LRP1B: variants seen among roughly 807,000 people sequenced by gnomAD.
The protein encoded by LRP1B is low-density lipoprotein receptor-related protein 1B.
A neutral mutation model predicts 556.6 loss-of-function variants in LRP1B; 217 were observed. The ratio of observed to expected loss-of-function variants is 0.39; its 90% CI spans 0.35 to 0.44. The LOEUF (loss-of-function observed/expected upper bound fraction) is 0.44. LRP1B is among the 20% of genes least tolerant of loss of function. The pLI is 1.00. For synonymous variants in LRP1B, 2,047 were observed against 1,865.8 expected, an observed-to-expected ratio of 1.10 and a Z score of -2.50; for missense variants, 5,053 against 5,620.8, an observed-to-expected ratio of 0.90 and a Z score of 3.23.
At chr2:141,205,505 T>G (rs1177396474) in intron 6 of LRP1B, among the ~76,000 whole-genome samples, 5 of 152,200 alleles carry the variant, frequency 3.3e-5, no homozygotes, top group Admixed American at 6.5e-5. Flanking sequence ...TTGCCTCTAT[T>G]ATCTGTATTT....
At chr2:141,610,038 C>A (rs1260968692) in intron 2 of LRP1B, among the ~76,000 whole-genome samples, 1 of 152,122 alleles carries the variant, frequency 6.6e-6, no homozygotes, top group African/African-American at 2.4e-5. Flanking sequence ...TATCATGTAG[C>A]TGATATGAAG....
rs2105231513 is a variant in LRP1B at position 140,907,865 on chromosome 2, A to T, written c.3520+12T>A. 3.1e-6 allele frequency: 5 copies of T among 1,612,336 alleles called. No homozygotes were observed. Among genetic ancestry groups the T allele is most frequent in the Non-Finnish European group, 4.2e-6 (5 of 1,178,576 alleles). ...TTTCATGGAGAAGTCAGTACAATTAAACATGCAATACCACAGAGATAGCCT... is the reference window on the plus strand; with the variant it reads ...TTTCATGGAGAAGTCAGTACAATTATACATGCAATACCACAGAGATAGCCT... On this transcript the variant is annotated intron_variant, in intron 22 of 90. Coordinates refer to ENST00000389484, the MANE Select transcript of LRP1B (RefSeq NM_018557.3).
At chr2:141,952,846 T>C (rs1701145112) in intron 1 of LRP1B, among the ~76,000 whole-genome samples, 1 of 152,176 alleles carries the variant, frequency 6.6e-6, no homozygotes, top group Admixed American at 6.5e-5. Flanking sequence ...TGGTAGTTTT[T>C]ATGTTTCAAT....
At chr2:140,519,384 G>A (rs1690059295) in intron 49 of LRP1B, among the ~76,000 whole-genome samples, 2 of 152,168 alleles carry the variant, frequency 1.3e-5, no homozygotes, top group Non-Finnish European at 2.9e-5. Flanking sequence ...TTAATAAATG[G>A]TGCTGGGAAA....
intron 35 of LRP1B, among the ~76,000 whole-genome samples, chr2:140,737,755 G>T (rs767630512): frequency 6.6e-6 from 1 of 152,218 alleles, no homozygotes; most frequent in Admixed American, 6.5e-5. Flanking sequence ...TGCAGGAGTA[G>T]TGGTTCCTAT....
intron 68 of LRP1B, among the ~76,000 whole-genome samples, chr2:140,374,176 G>A (rs1683120747): frequency 6.6e-6 from 1 of 152,152 alleles, no homozygotes; most frequent in Non-Finnish European, 1.5e-5. Flanking sequence ...CCTTCCCTGG[G>A]TCTGAACACT....
At chr2:140,463,237 G>T in intron 60 of LRP1B, among the ~76,000 whole-genome samples, 1 of 152,038 alleles carries the variant, frequency 6.6e-6, no homozygotes. Flanking sequence ...TGGGTGGGTG[G>T]GAAAATGGCC....
chr2:142,102,265 C>A (rs1706593537), intron 1 of LRP1B, among the ~76,000 whole-genome samples: 1 of 151,800 alleles, frequency 6.6e-6, no homozygotes, highest in Non-Finnish European at 1.5e-5. Flanking sequence ...GTACCCCAAT[C>A]ACAAATCTCC....
intron 66 of LRP1B, 134 bp downstream of exon 66, chr2:140,442,370 G>T: frequency 1.7e-6 from 2 of 1,145,790 alleles, no homozygotes; most frequent in Non-Finnish European, 1.2e-6. Flanking sequence ...TTATGAATCT[G>T]TGAACACAGA....
At chr2:141,470,656 C>A (rs532845204) in intron 3 of LRP1B, among the ~76,000 whole-genome samples, 97 of 152,226 alleles carry the variant, frequency 6.4e-4, no homozygotes, top group Admixed American at 2.2e-3. Context: ...CTTGGGGATG[C>A]CATTCAACTT....
intron 41 of LRP1B, chr2:140,683,389 C>T (rs2105382357): frequency 7.8e-6 from 4 of 513,112 alleles, no homozygotes; most frequent in South Asian, 6.7e-5. Context: ...TATCCTGTTT[C>T]AAAGACCATC....
chr2:140,345,761 T>A (rs825434), intron 77 of LRP1B, among the ~76,000 whole-genome samples: 1 of 131,808 alleles, frequency 7.6e-6, no homozygotes, highest in Non-Finnish European at 1.6e-5. Flanking sequence ...CATATATACA[T>A]ATATACACAT....
At chr2:140,726,803 T>C (rs1687610040) in intron 35 of LRP1B, among the ~76,000 whole-genome samples, 1 of 146,992 alleles carries the variant, frequency 6.8e-6, no homozygotes, top group Non-Finnish European at 1.5e-5. Flanking sequence ...ATTTTATCTC[T>C]AGTTTTATCT....
At chr2:140,846,728 G>A (rs1383853604) in intron 29 of LRP1B, among the ~76,000 whole-genome samples, 2 of 152,020 alleles carry the variant, frequency 1.3e-5, no homozygotes, top group African/African-American at 2.4e-5. Flanking sequence ...AGAGAGACGA[G>A]AGCTAAGTGA....
chr2:140,507,749 A>T (rs1243410525), intron 52 of LRP1B, among the ~76,000 whole-genome samples: 1 of 152,166 alleles, frequency 6.6e-6, no homozygotes, highest in African/African-American at 2.4e-5. Context: ...GCCATGTAGG[A>T]CTCAAGGTTT....
At chr2:142,016,696 A>C (rs1703143280) in intron 1 of LRP1B, among the ~76,000 whole-genome samples, 1 of 151,852 alleles carries the variant, frequency 6.6e-6, no homozygotes, top group Admixed American at 6.6e-5. Flanking sequence ...GGGCTAGGGG[A>C]TGGATAGCAT....
intron 43 of LRP1B, among the ~76,000 whole-genome samples, chr2:140,547,852 T>A (rs1248419965): frequency 1.3e-5 from 2 of 151,956 alleles, no homozygotes; most frequent in Non-Finnish European, 2.9e-5. Context: ...AAAATCAAAT[T>A]AAATAGCCTA....
At chr2:140,416,214 T>A (rs937663087) in intron 66 of LRP1B, among the ~76,000 whole-genome samples, 4 of 152,210 alleles carry the variant, frequency 2.6e-5, no homozygotes, top group African/African-American at 9.6e-5. Flanking sequence ...AATGCATATG[T>A]GAGGGATCTA....
chr2:141,562,240 C>T (rs756304387), intron 2 of LRP1B, among the ~76,000 whole-genome samples: 4 of 151,898 alleles, frequency 2.6e-5, no homozygotes, highest in Non-Finnish European at 4.4e-5. Context: ...CGGTGTCACA[C>T]GAACTATGTC....
Sources: allele counts gnomAD v4.1 joint callset (sites outside exome capture counted in the v4.1 genomes callset), GRCh38; gene constraint gnomAD v4.1.1; transcripts MANE v1.5; gene names NCBI Gene and HGNC (gene_info 2026-07-23, HGNC 2026-07-21).